ADAMTS17: variants seen among roughly 807,000 people sequenced by gnomAD.
ADAMTS17 encodes the protein ADAM metallopeptidase with thrombospondin type 1 motif 17, also known as A disintegrin and metalloproteinase with thrombospondin motifs 17.
A neutral mutation model predicts 141.5 loss-of-function variants in ADAMTS17; 113 were observed. The observed-to-expected ratio is 0.80, with a 90% confidence interval of 0.69 to 0.93. The LOEUF is 0.93. Ranked by LOEUF, ADAMTS17 falls within the 40% of genes least tolerant of loss-of-function variation. ADAMTS17 has a pLI of 0.00. For missense variants in ADAMTS17, 1,659 were observed against 1,517.9 expected, an observed-to-expected ratio of 1.09 and a Z score of -1.54; for synonymous variants, 768 against 630.6, an observed-to-expected ratio of 1.22 and a Z score of -3.27.
At chr15:100,260,165 G>T (rs1205986342) in intron 6 of ADAMTS17, among the ~76,000 whole-genome samples, 1 of 152,262 alleles carries the variant, frequency 6.6e-6, no homozygotes, top group African/African-American at 2.4e-5. Context: ...TTTTTGAAAG[G>T]AACGAAAGCT....
chr15:100,091,087 C>T (rs377360933), intron 15 of ADAMTS17, among the ~76,000 whole-genome samples: 9 of 151,266 alleles, frequency 5.9e-5, no homozygotes, highest in African/African-American at 1.7e-4. Context: ...GTCCACAAAC[C>T]GGGGAAACTG....
chr15:100,099,288 C>G (rs555172325), intron 14 of ADAMTS17, among the ~76,000 whole-genome samples: 116 of 152,286 alleles, frequency 7.6e-4, no homozygotes, highest in Non-Finnish European at 1.6e-3. Context: ...ACAGCAGTGA[C>G]TCTAAATGCT....
At chr15:100,225,499 T>G (rs181985107) in intron 7 of ADAMTS17, among the ~76,000 whole-genome samples, 129 of 151,046 alleles carry the variant, frequency 8.5e-4, no homozygotes, top group African/African-American at 2.8e-3. Context: ...TCTGTGCCAT[T>G]CAGTCCTTAC....
At chr15:100,110,240 T>C (rs71407374) in intron 13 of ADAMTS17, among the ~76,000 whole-genome samples, 1 of 146,106 alleles carries the variant, frequency 6.8e-6, no homozygotes, top group East Asian at 2.0e-4. Context: ...TATATAAATA[T>C]ATATATATAT....
At chr15:100,292,281 T>C (rs1000378046) in intron 3 of ADAMTS17, among the ~76,000 whole-genome samples, 14 of 105,794 alleles carry the variant, frequency 1.3e-4, no homozygotes, top group African/African-American at 5.4e-4. Flanking sequence ...CCCGTGAGAA[T>C]CTACGAGAGA....
At chr15:100,073,175 G>C (rs146180101) in intron 15 of ADAMTS17, among the ~76,000 whole-genome samples, 1,799 of 152,228 alleles carry the variant, frequency 0.012, 42 homozygotes, top group African/African-American at 0.042. Context: ...CTCACCATCA[G>C]TGGCCATCAG....
chr15:100,105,572 C>T (rs1177337404), intron 14 of ADAMTS17, among the ~76,000 whole-genome samples: 1 of 152,144 alleles, frequency 6.6e-6, no homozygotes, highest in African/African-American at 2.4e-5. Context: ...ACCGTTCATA[C>T]CAACGTGATA....
chr15:100,214,542 A>C (rs1360890145), intron 7 of ADAMTS17, among the ~76,000 whole-genome samples: 1 of 152,178 alleles, frequency 6.6e-6, no homozygotes, highest in Non-Finnish European at 1.5e-5. Flanking sequence ...AAACTTGAAA[A>C]GGCAAAATAA....
At chr15:100,292,089 T>C (rs62038073) in intron 3 of ADAMTS17, among the ~76,000 whole-genome samples, 81,229 of 118,806 alleles carry the variant, frequency 0.68, 27,643 homozygotes, top group African/African-American at 0.82. Context: ...TGGGGAGTCA[T>C]GAGAGACGCT....
chr15:100,206,348 A>G (rs947797214), intron 7 of ADAMTS17, among the ~76,000 whole-genome samples: 9 of 152,214 alleles, frequency 5.9e-5, no homozygotes, highest in Non-Finnish European at 5.9e-5. Context: ...GTCTGTAGAC[A>G]TGGGCATGCC....
In ADAMTS17 at chr15:100,204,937, G is replaced by A. The variant is rs1432643330; in HGVS notation, c.1076-5514C>T. 6.6e-5 allele frequency among the ~76,000 whole-genome samples: 10 copies of A among 152,306 alleles called. No homozygotes were observed. In the East Asian group the frequency reaches 9.7e-4, roughly 15 times the overall value. On this transcript the variant is annotated intron_variant, in intron 7 of 21. Coordinates refer to ENST00000268070, the MANE Select transcript of ADAMTS17 (RefSeq NM_139057.4). ...TGGCAATTATGGTTTTCTGTGGACC[G>A]GGAGTCATACAGCAGTTATGGCCTT...
chr15:100,255,482 A>G (rs1015211695), intron 6 of ADAMTS17, among the ~76,000 whole-genome samples: 1 of 152,324 alleles, frequency 6.6e-6, no homozygotes. Flanking sequence ...TAGAAGATGA[A>G]GCAATAGGCG....
intron 17 of ADAMTS17, among the ~76,000 whole-genome samples, chr15:100,050,391 C>T (rs935200759): frequency 3.9e-5 from 6 of 152,128 alleles, no homozygotes; most frequent in East Asian, 1.9e-4. Context: ...GAAAGGCCAT[C>T]GGCACAAGCG....
chr15:99,972,452 C>T lies in ADAMTS17; in HGVS notation c.*1950G>A, dbSNP rs1057161437. On this transcript the variant is annotated 3_prime_UTR_variant, in exon 22 of 22. Transcript: ENST00000268070. ...ACCAAGCTAAGGCTTCCTTAGTGAG[C>T]TTGCCCGGCTCTGCTCCTTGGCTGC... 6.6e-6 allele frequency: 1 copy of T among 152,186 alleles called. No homozygotes were observed. Among genetic ancestry groups the T allele is most frequent in the African/African-American group, 2.4e-5 (1 of 41,454 alleles). The allele number at this position is 152,186 out of a possible 1,614,324, so 9.4% of individuals were successfully genotyped here.
chr15:100,127,704 C>A (rs867869082), intron 12 of ADAMTS17, among the ~76,000 whole-genome samples: 10 of 152,342 alleles, frequency 6.6e-5, no homozygotes, highest in Admixed American at 2.6e-4. Flanking sequence ...GCCTCAGCCT[C>A]CCAAGTAGCT....
At position 100,054,041 on chromosome 15, in the gene ADAMTS17, C is replaced by G. The variant is rs756107807; in HGVS notation, c.2151G>C (p.Ser717=). 1 of 1,614,160 alleles carries G rather than the reference C, an allele frequency of 6.2e-7. No individual in the cohort carries two copies. Among genetic ancestry groups the G allele is most frequent in the Non-Finnish European group, 8.5e-7 (1 of 1,180,032 alleles). The part of the protein sequence containing the change: ...SHARGTALKD[S]GKGSINSDWK... ...AGTCACTGTTGATGGACCCCTTACC[C>G]GAGTCTTTGAGAGCTAGAAAGCAAG... The change falls in exon 16 of 22, where the codon TCG becomes TCC. Residue 717 remains serine (S), a synonymous_variant. Transcript: ENST00000268070.
intron 6 of ADAMTS17, among the ~76,000 whole-genome samples, chr15:100,259,769 C>T (rs2043450887): frequency 6.6e-6 from 1 of 152,218 alleles, no homozygotes; most frequent in African/African-American, 2.4e-5. Context: ...GGCTGGCAAT[C>T]GACGAACCAT....
intron 3 of ADAMTS17, among the ~76,000 whole-genome samples, chr15:100,309,606 C>T (rs548780534): frequency 3.9e-5 from 6 of 152,318 alleles, no homozygotes; most frequent in East Asian, 3.9e-4. Flanking sequence ...AAGCCTACAA[C>T]GTGCCAGGCA....
chr15:99,976,136 G>C lies in ADAMTS17; in HGVS notation c.3036C>G (p.Pro1012=). Residue 1012 remains proline, a synonymous_variant, in exon 21 of 22, where the codon CCC becomes CCG. Coordinates refer to ENST00000268070, the MANE Select transcript of ADAMTS17 (RefSeq NM_139057.4). ...TGTAGGGGGCAGGCTTCGAGAGGGC[G>C]GGGCACTCGCTGCCGTGGCGCCCTG... ...KVTGRHGSEC[P]ALSKPAPYRQ... is the part of the protein sequence containing the mutation. 1 of 1,550,986 alleles carries C rather than the reference G, an allele frequency of 6.4e-7. No homozygotes were observed.
Sources: gnomAD v4.1 joint callset for allele counts (sites outside exome capture counted in the v4.1 genomes callset) on GRCh38, gnomAD v4.1.1 for gene constraint, MANE v1.5 for transcripts, NCBI Gene and HGNC (gene_info 2026-07-23, HGNC 2026-07-21) for gene names.